RALY: variants seen among roughly 807,000 people sequenced by gnomAD.
RALY encodes the protein RNA-binding protein Raly.
RALY carries 15 observed loss-of-function variants against 30.7 expected under a neutral mutation model. The observed-to-expected ratio is 0.49, with a 90% confidence interval of 0.33 to 0.75. The LOEUF (loss-of-function observed/expected upper bound fraction) is 0.75. RALY is among the 30% of genes least tolerant of loss of function. The pLI, the probability that RALY is intolerant of heterozygous loss-of-function variation, is 0.02. For missense variants in RALY, 339 were observed against 414.3 expected (o/e 0.82, Z 1.58); for synonymous variants, 177 against 170.8 (o/e 1.04, Z -0.28).
rs576161160 is a variant in RALY at position 33,995,056 on chromosome 20, T to C, written c.-93+925T>C. ...GGTGTGAGCATGTATCATCTCTTAG[T>C]GCAGAGGGTATTTTTACCTAGCCTT... On this transcript the variant is annotated intron_variant, in intron 1 of 9. Coordinates refer to ENST00000246194, the MANE Select transcript of RALY (RefSeq NM_016732.3). 1.1e-4 allele frequency among the ~76,000 whole-genome samples: 17 copies of C among 152,300 alleles called. No individual in the cohort carries two copies. The South Asian group carries it at 1.7e-3, about 15-fold the overall frequency.
chr20:34,067,928 C>T (rs116435128), intron 2 of RALY, among the ~76,000 whole-genome samples: 39 of 151,088 alleles, frequency 2.6e-4, no homozygotes, highest in Admixed American at 1.9e-3. Context: ...CTAGACTTAG[C>T]GTCAGAAGAC....
intron 1 of RALY, among the ~76,000 whole-genome samples, chr20:34,014,818 AC>A (rs1303899713): frequency 6.6e-6 from 1 of 152,234 alleles, no homozygotes; most frequent in Middle Eastern, 3.2e-3. Context: ...TTGGTTGTTA[AC>A]CTTTACACAG....
In RALY at chr20:34,043,778, G is replaced by A. The variant is rs150839529; in HGVS notation, c.-10+12174G>A. On this transcript the variant is annotated intron_variant, in intron 2 of 9. Transcript: ENST00000246194. Reference sequence around the variant, plus strand: ...TTAATTTGATAAAACTTTGTGCTCGGCACAGAAGTAAGTCTTAGGAATAAG... The same window carrying A: ...TTAATTTGATAAAACTTTGTGCTCGACACAGAAGTAAGTCTTAGGAATAAG... 6.9e-3 allele frequency among the ~76,000 whole-genome samples: 1,044 copies of A among 152,240 alleles called. 12 individuals are homozygous for A. The highest frequency in any genetic ancestry group is 0.023 in the African/African-American group (943 of 41,544).
At chr20:34,004,704 C>T (rs546448767) in intron 1 of RALY, among the ~76,000 whole-genome samples, 1 of 152,130 alleles carries the variant, frequency 6.6e-6, no homozygotes, top group Non-Finnish European at 1.5e-5. Flanking sequence ...TACATCATTT[C>T]AAGAAAGAAA....
intron 1 of RALY, among the ~76,000 whole-genome samples, chr20:33,999,240 T>G (rs1280651200): frequency 6.6e-6 from 1 of 151,910 alleles, no homozygotes; most frequent in Non-Finnish European, 1.5e-5. Flanking sequence ...CTGGTGCAGT[T>G]TTGTAAATGG....
At chr20:34,047,973 C>T (rs931009704) in intron 2 of RALY, among the ~76,000 whole-genome samples, 6 of 152,144 alleles carry the variant, frequency 3.9e-5, no homozygotes, top group Admixed American at 3.9e-4. Context: ...AAATGTTGGG[C>T]AAGAAGGAGC....
intron 2 of RALY, among the ~76,000 whole-genome samples, chr20:34,044,966 G>A (rs2032829309): frequency 6.6e-6 from 1 of 152,120 alleles, no homozygotes; most frequent in Non-Finnish European, 1.5e-5. Context: ...AGGCTGGAGT[G>A]CAGTGGCATG....
At chr20:34,065,058 G>A (rs1283306207) in intron 2 of RALY, 1 of 152,154 alleles carries the variant, frequency 6.6e-6, no homozygotes, top group Non-Finnish European at 1.5e-5. Flanking sequence ...CCAGAGAGGG[G>A]GCTTCTTGAA....
intron 1 of RALY, among the ~76,000 whole-genome samples, chr20:34,009,975 C>T (rs1290649626): frequency 6.6e-6 from 1 of 152,136 alleles, no homozygotes; most frequent in Non-Finnish European, 1.5e-5. Context: ...GGTGAATCCC[C>T]TGCGACTAAG....
chr20:34,010,470 C>T (rs535613424), intron 1 of RALY, among the ~76,000 whole-genome samples: 5 of 152,264 alleles, frequency 3.3e-5, no homozygotes, highest in African/African-American at 9.6e-5. Context: ...CTCCTGGGCT[C>T]AAGCCATCCT....
rs753197185 is a variant in RALY at position 34,076,689 on chromosome 20, C to G, written c.545-13C>G. On this transcript the variant is annotated splice_polypyrimidine_tract_variant and intron_variant, in intron 6 of 9. Transcript: ENST00000246194. ...CCCCCTAGGTGACAGCCCTGTCCCC[C>G]CTCCACTCCCAGTAAAGAGCAGTGA... 1 of 1,612,152 alleles carries G rather than the reference C, an allele frequency of 6.2e-7. No homozygotes were observed. Among genetic ancestry groups the G allele is most frequent in the African/African-American group, 1.3e-5 (1 of 74,912 alleles).
chr20:34,038,434 G>A (rs67462373), intron 2 of RALY, among the ~76,000 whole-genome samples: 13,698 of 152,118 alleles, frequency 0.09, 713 homozygotes, highest in African/African-American at 0.14. Flanking sequence ...TTATTGAATG[G>A]GACAGATTGG....
intron 3 of RALY, 117 bp downstream of exon 3, chr20:34,072,447 AATTT>A (rs2033754509): frequency 7.6e-7 from 1 of 1,320,216 alleles, no homozygotes; most frequent in Non-Finnish European, 1.0e-6. Flanking sequence ...AGATTTTATA[AATTT>A]ATAAGCTATG....
intron 2 of RALY, among the ~76,000 whole-genome samples, chr20:34,048,840 C>T (rs1451522723): frequency 2.5e-4 from 34 of 137,864 alleles, no homozygotes; most frequent in Non-Finnish European, 5.1e-4. Context: ...TGGGAGACAG[C>T]GAGACTCCGT....
chr20:34,012,888 CTT>C (rs911950635), intron 1 of RALY, among the ~76,000 whole-genome samples: 34 of 152,328 alleles, frequency 2.2e-4, no homozygotes, highest in African/African-American at 7.0e-4. Context: ...TGTATCATGA[CTT>C]TGTTTTGACT....
intron 1 of RALY, among the ~76,000 whole-genome samples, chr20:34,009,916 C>G (rs2031326390): frequency 6.6e-6 from 1 of 152,144 alleles, no homozygotes; most frequent in African/African-American, 2.4e-5. Flanking sequence ...TCCAGCCCAG[C>G]TCTAGAAGGA....
At chr20:34,076,147 C>A (rs1333163792) in intron 6 of RALY, 107 bp downstream of exon 6, 1 of 1,327,566 alleles carries the variant, frequency 7.5e-7, no homozygotes, top group Non-Finnish European at 1.0e-6. Context: ...AAGTCTTCCA[C>A]AGTTCTGCTG....
chr20:34,068,108 T>C (rs2033629539), intron 2 of RALY, among the ~76,000 whole-genome samples: 1 of 152,154 alleles, frequency 6.6e-6, no homozygotes, highest in African/African-American at 2.4e-5. Flanking sequence ...ATAAATTTGC[T>C]TCTCTCCTTT....
intron 2 of RALY, among the ~76,000 whole-genome samples, chr20:34,055,507 C>T (rs966983904): frequency 8.5e-5 from 13 of 152,142 alleles, no homozygotes; most frequent in Non-Finnish European, 1.5e-4. Context: ...TCAGCAGATA[C>T]TCCCTAAGCA....
Sources: allele counts gnomAD v4.1 joint callset (sites outside exome capture counted in the v4.1 genomes callset), GRCh38; gene constraint gnomAD v4.1.1; transcripts MANE v1.5; gene names NCBI Gene and HGNC (gene_info 2026-07-23, HGNC 2026-07-21).